CIMIP2B: variants seen among roughly 807,000 people sequenced by gnomAD.
CIMIP2B encodes family with sequence similarity 166 member B.
At chr9:35,562,944 G>A in the CIMIP2B span, 1,344 of 1,613,926 alleles carry the variant, frequency 8.3e-4, 11 homozygotes, top group Middle Eastern at 0.033. Flanking sequence ...CCTTCTCTGT[G>A]TCCTTTCTTC....
At chr9:35,563,406 C>T in the CIMIP2B span, 1 of 1,585,076 alleles carries the variant, frequency 6.3e-7, no homozygotes. Flanking sequence ...CACAGACTCT[C>T]CCACTCACCA....
At chr9:35,563,325 GA>G in the CIMIP2B span, 1 of 1,613,834 alleles carries the variant, frequency 6.2e-7, no homozygotes, top group African/African-American at 1.3e-5. Context: ...CGAAGTAGCT[GA>G]CCAGTCACCT....
the CIMIP2B span, chr9:35,563,720 A>AC: frequency 1.2e-5 from 18 of 1,561,450 alleles, no homozygotes; most frequent in Middle Eastern, 1.7e-4. Flanking sequence ...TCCACCCTAT[A>AC]CCCCTACTCC....
At chr9:35,563,325 G>A in the CIMIP2B span, 1 of 1,613,952 alleles carries the variant, frequency 6.2e-7, no homozygotes, top group Non-Finnish European at 8.5e-7. Context: ...CGAAGTAGCT[G>A]ACCAGTCACC....
chr9:35,563,245 A>G, the CIMIP2B span: 1 of 1,613,974 alleles, frequency 6.2e-7, no homozygotes. Flanking sequence ...GAACCTCAGG[A>G]GATCTTGGAG....
At chr9:35,563,392 G>A in the CIMIP2B span, 2 of 1,602,974 alleles carry the variant, frequency 1.2e-6, no homozygotes, top group East Asian at 2.3e-5. Flanking sequence ...CAGTGTACCT[G>A]CAGCACAGAC....
chr9:35,562,936 T>C, the CIMIP2B span: 1 of 1,614,030 alleles, frequency 6.2e-7, no homozygotes, highest in Non-Finnish European at 8.5e-7. Flanking sequence ...CACCTGGTCC[T>C]TCTCTGTGTC....
chr9:35,563,580 C>T, the CIMIP2B span, among the ~76,000 whole-genome samples: 1 of 152,318 alleles, frequency 6.6e-6, no homozygotes, highest in South Asian at 2.1e-4. Context: ...GAGAGAACAA[C>T]ACAAAGCTTT....
At chr9:35,562,442 G>C in the CIMIP2B span, 25 of 1,575,544 alleles carry the variant, frequency 1.6e-5, no homozygotes, top group African/African-American at 1.4e-4. Context: ...TCTGGGAAGT[G>C]GGGGGAGATG....
chr9:35,563,633 C>T, the CIMIP2B span: 1 of 812,854 alleles, frequency 1.2e-6, no homozygotes, highest in East Asian at 2.7e-5. Flanking sequence ...TTCTCCTTTT[C>T]CATCCACCAC....
chr9:35,563,225 C>T, the CIMIP2B span: 1 of 1,614,010 alleles, frequency 6.2e-7, no homozygotes, highest in Non-Finnish European at 8.5e-7. Flanking sequence ...GACAGGTAGA[C>T]TCTCCCTGGG....
the CIMIP2B span, chr9:35,563,107 CGTTA>C: frequency 9.9e-6 from 16 of 1,613,338 alleles, no homozygotes; most frequent in South Asian, 1.5e-4. Context: ...AAGGAAGACT[CGTTA>C]GTGTTTGGAA....
chr9:35,562,074 T>C, the CIMIP2B span: 2 of 1,535,192 alleles, frequency 1.3e-6, no homozygotes, highest in Non-Finnish European at 1.7e-6. Flanking sequence ...GCCAAATGTG[T>C]GGCCAAACTG....
chr9:35,562,401 TAGGTA>T, the CIMIP2B span: 17 of 1,504,500 alleles, frequency 1.1e-5, no homozygotes. Context: ...CCCCCATAGT[TAGGTA>T]AAAGACCCAG....
the CIMIP2B span, chr9:35,562,632 GA>G: frequency 6.2e-7 from 1 of 1,612,818 alleles, no homozygotes; most frequent in Non-Finnish European, 8.5e-7. Flanking sequence ...CTCTGATCCT[GA>G]CCCCCCAGCT....
At chr9:35,562,247 TAATA>T in the CIMIP2B span, 1 of 1,055,378 alleles carries the variant, frequency 9.5e-7, no homozygotes, top group Non-Finnish European at 1.3e-6. Context: ...TTCTGCCTGA[TAATA>T]AAGCTGAACC....
the CIMIP2B span, chr9:35,562,691 A>AG: frequency 6.2e-7 from 1 of 1,613,716 alleles, no homozygotes; most frequent in Non-Finnish European, 8.5e-7. Flanking sequence ...TCCATGGAGT[A>AG]GGGAGAAGCC....
At chr9:35,562,553 C>A in the CIMIP2B span, 7 of 1,590,378 alleles carry the variant, frequency 4.4e-6, no homozygotes, top group Non-Finnish European at 5.1e-6. Flanking sequence ...GAAGCGGGCG[C>A]AGGGCACATA....
At chr9:35,561,895 A>G in the CIMIP2B span, 2 of 776,658 alleles carry the variant, frequency 2.6e-6, no homozygotes, top group South Asian at 3.0e-5. Flanking sequence ...CAGCCTCCAA[A>G]CCATTTTCTC....
Sources: allele counts gnomAD v4.1 joint callset (sites outside exome capture counted in the v4.1 genomes callset), GRCh38; gene constraint gnomAD v4.1.1; transcripts MANE v1.5; gene names NCBI Gene and HGNC (gene_info 2026-07-23, HGNC 2026-07-21).